Variants in GTF2I observed in about 807,000 individuals in gnomAD.
The protein encoded by GTF2I is general transcription factor IIi, also known as general transcription factor II-I.
In GTF2I, 12 loss-of-function variants were observed where a neutral mutation model predicts 67.6. The observed-to-expected ratio is 0.18, with a 90% confidence interval of 0.11 to 0.29. The LOEUF (loss-of-function observed/expected upper bound fraction) is 0.29. GTF2I is among the 10% of genes least tolerant of loss of function. GTF2I has a pLI of 1.00. For missense variants in GTF2I, 271 were observed against 580.1 expected, an observed-to-expected ratio of 0.47 and a Z score of 5.47; for synonymous variants, 149 against 197.0, an observed-to-expected ratio of 0.76 and a Z score of 2.04.
intron 1 of GTF2I, among the ~76,000 whole-genome samples, chr7:74,662,127 G>A (rs1307976618): frequency 1.3e-5 from 2 of 150,370 alleles, no homozygotes; most frequent in African/African-American, 2.4e-5. Context: ...ACATTAAAAT[G>A]TAGGCTTTGG....
intron 3 of GTF2I, 124 bp downstream of exon 3, chr7:74,691,235 T>G: frequency 4.2e-6 from 3 of 705,976 alleles, no homozygotes; most frequent in Non-Finnish European, 6.8e-6. Context: ...AGATGGAGTT[T>G]TGCTCATGTT....
At chr7:74,708,252 A>G (rs1031595000) in intron 8 of GTF2I, among the ~76,000 whole-genome samples, 2 of 152,216 alleles carry the variant, frequency 1.3e-5, no homozygotes, top group Non-Finnish European at 2.9e-5. Context: ...ACATTGAGTC[A>G]AGATCGTGCC....
In GTF2I at chr7:74,667,876, C is replaced by T. The variant is rs187509678; in HGVS notation, c.-6+9808C>T. Among the ~76,000 whole-genome samples, 736 of 148,092 alleles carry T rather than the reference C, an allele frequency of 5.0e-3. 11 individuals are homozygous for T. Among genetic ancestry groups the T allele is most frequent in the African/African-American group, 0.017 (665 of 40,060 alleles). Reference sequence around the variant, plus strand: ...TTGAGACAGAGTCTTGCTTTGTTGTCAGGCTGGAGTTCAGGGGCATGATCT... The same window carrying T: ...TTGAGACAGAGTCTTGCTTTGTTGTTAGGCTGGAGTTCAGGGGCATGATCT... On this transcript the variant is annotated intron_variant, in intron 1 of 34. Transcript: ENST00000573035.
At position 74,733,960 on chromosome 7, in the gene GTF2I, C is replaced by T; in HGVS notation, c.1342C>T (p.Leu448Phe). Reference protein sequence around the residue: ...LLNSTREDLQLDKPASGVKEE... With the variant: ...LLNSTREDLQFDKPASGVKEE... ...GAATTCAACACGTGAAGATTTACAG[C>T]TTGATAAGCCAGCTTCAGGAGGTAG... is the stretch of plus-strand genomic sequence containing the variant. The change falls in exon 16 of 35, where the codon CTT becomes TTT. Residue 448 changes from leucine (L) to phenylalanine (F), a missense_variant. Leu to Phe is a conservative substitution (Grantham distance 22, BLOSUM62 0). This residue lies in a region of GTF2I where 6 missense variants were observed against 18.2 expected (regional missense o/e 0.33). Transcript: ENST00000573035. 6.2e-7 allele frequency: 1 copy of T among 1,611,288 alleles called. No individual in the cohort carries two copies. The highest frequency in any genetic ancestry group is 8.5e-7 in the Non-Finnish European group (1 of 1,179,652).
chr7:74,662,209 T>C (rs1356512577), intron 1 of GTF2I, among the ~76,000 whole-genome samples: 38 of 21,578 alleles, frequency 1.8e-3, no homozygotes, highest in Non-Finnish European at 5.7e-3. Context: ...TCTTTCTTTT[T>C]TTTTTTTTTT....
chr7:74,689,347 A>ATTTT, intron 2 of GTF2I, 120 bp downstream of exon 2: 1 of 298,146 alleles, frequency 3.4e-6, no homozygotes, highest in Non-Finnish European at 5.7e-6. Flanking sequence ...CTTTTTCTTT[A>ATTTT]CTTTTTTTTT....
intron 3 of GTF2I, among the ~76,000 whole-genome samples, chr7:74,698,016 C>T (rs587639871): frequency 5.9e-5 from 9 of 151,686 alleles, no homozygotes; most frequent in Admixed American, 4.6e-4. Flanking sequence ...AGTGCAGTGG[C>T]GCAATTTCCG....
intron 1 of GTF2I, among the ~76,000 whole-genome samples, chr7:74,659,804 A>G (rs587731031): frequency 6.6e-6 from 1 of 152,032 alleles, no homozygotes; most frequent in Non-Finnish European, 1.5e-5. Flanking sequence ...AGGCCTCCCA[A>G]AGTGGTGGGA....
chr7:74,682,995 G>GA (rs1475652001), intron 1 of GTF2I, among the ~76,000 whole-genome samples: 2 of 141,184 alleles, frequency 1.4e-5, no homozygotes, highest in Non-Finnish European at 3.0e-5. Context: ...GTATGGAGAA[G>GA]AAAACGTAAA....
At chr7:74,701,347 A>G (rs1206822363) in intron 6 of GTF2I, among the ~76,000 whole-genome samples, 3 of 152,186 alleles carry the variant, frequency 2.0e-5, no homozygotes, top group Non-Finnish European at 4.4e-5. Flanking sequence ...AATTATATAT[A>G]CATAAACATA....
intron 1 of GTF2I, chr7:74,687,561 T>C (rs1787849195): frequency 2.0e-6 from 2 of 984,762 alleles, no homozygotes; most frequent in African/African-American, 1.7e-5. Flanking sequence ...TTCCTAAGTA[T>C]GTATGCTTCG....
chr7:74,667,414 G>A (rs1805074757), intron 1 of GTF2I, among the ~76,000 whole-genome samples: 1 of 152,154 alleles, frequency 6.6e-6, no homozygotes. Context: ...CATTTACACC[G>A]TGAATGCCTT....
intron 9 of GTF2I, among the ~76,000 whole-genome samples, chr7:74,712,243 T>A (rs1554402715): frequency 1.3e-5 from 2 of 152,134 alleles, no homozygotes; most frequent in Non-Finnish European, 2.9e-5. Flanking sequence ...TAACACGCTT[T>A]TTTAAAATGA....
Position 74,718,893 on chromosome 7 carries a change from G to A in GTF2I, c.895G>A (p.Val299Ile), listed in dbSNP as rs202059251. The A allele has an allele frequency of 4.1e-5, 64 of 1,551,420 alleles. No individual in the cohort carries two copies. Among genetic ancestry groups the A allele is most frequent in the East Asian group, 3.7e-4 (16 of 43,764 alleles). Residue 299 changes from valine to isoleucine, a missense_variant, in exon 12 of 35, where the codon GTC becomes ATC. Val to Ile is a conservative substitution (Grantham distance 29). Transcript: ENST00000573035. The part of the protein sequence containing the change: ...EVPAEDSTQH[V>I]PSETSEDPEV... ...TTTTTTTCAAGATTCTACTCAACATGTCCCTTCAGAAACAAGTGAGGACCC... is the reference window on the plus strand; with the variant it reads ...TTTTTTTCAAGATTCTACTCAACATATCCCTTCAGAAACAAGTGAGGACCC...
chr7:74,711,035 T>G lies in GTF2I; in HGVS notation c.689T>G (p.Ile230Ser), dbSNP rs143885919. The change falls in exon 9 of 35, where the codon ATT becomes AGT. Residue 230 changes from isoleucine to serine, a missense_variant. Ile to Ser is a moderately radical substitution (Grantham distance 142). Transcript: ENST00000573035. ...VKTEPTEDSG[I>S]SLEMAAVTVK... Reference sequence around the variant, plus strand: ...ATCATTGCATTTGCTTTTCTAGGCATTTCCCTGGAAATGGCAGCTGTGACA... The same window carrying G: ...ATCATTGCATTTGCTTTTCTAGGCAGTTCCCTGGAAATGGCAGCTGTGACA... 1.1e-5 allele frequency: 16 copies of G among 1,520,428 alleles called. No individual in the cohort carries two copies. In the East Asian group the frequency reaches 3.8e-4, roughly 36 times the overall value. The allele number at this position is 1,520,428 out of a possible 1,614,324, so 94.2% of individuals were successfully genotyped here.
intron 7 of GTF2I, among the ~76,000 whole-genome samples, chr7:74,705,496 A>G (rs1380822811): frequency 5.3e-5 from 8 of 151,696 alleles, no homozygotes; most frequent in Admixed American, 4.6e-4. Flanking sequence ...GTATTTTATT[A>G]TACTGTTTTC....
intron 1 of GTF2I, among the ~76,000 whole-genome samples, chr7:74,662,511 CTTTTTTTTTTTTT>C (rs1161320476): frequency 1.8e-4 from 9 of 50,220 alleles, no homozygotes; most frequent in South Asian, 9.9e-4. Context: ...CACCTGGACC[CTTTTTTTTTTTTT>C]TTTTTTTTTT....
In GTF2I at chr7:74,714,845, T is replaced by C; in HGVS notation, c.764-12T>C. On this transcript the variant is annotated splice_polypyrimidine_tract_variant and intron_variant, in intron 9 of 34. Coordinates refer to ENST00000573035, the MANE Select transcript of GTF2I (RefSeq NM_032999.4). Reference sequence around the variant, plus strand: ...GGGATTACTTTTGAAGTATTATCTTTGTATCCCAAAGCAGGCCCTTCTGAA... The same window carrying C: ...GGGATTACTTTTGAAGTATTATCTTCGTATCCCAAAGCAGGCCCTTCTGAA... 6.3e-7 allele frequency: 1 copy of C among 1,589,766 alleles called. No individual in the cohort carries two copies. The highest frequency in any genetic ancestry group is 8.6e-7 in the Non-Finnish European group (1 of 1,164,582).
chr7:74,700,003 G>GCT, intron 4 of GTF2I: 1 of 388,610 alleles, frequency 2.6e-6, no homozygotes, highest in East Asian at 4.6e-5. Context: ...ACCAACCATT[G>GCT]CTCTCTCTAT....
Sources: gnomAD v4.1 joint callset for allele counts (sites outside exome capture counted in the v4.1 genomes callset) on GRCh38, gnomAD v4.1.1 for gene constraint, gnomAD v4.1.1 regional missense constraint, MANE v1.5 for transcripts, NCBI Gene and HGNC (gene_info 2026-07-23, HGNC 2026-07-21) for gene names.